PTPRN2: variants seen among roughly 807,000 people sequenced by gnomAD.
The protein encoded by PTPRN2 is receptor-type tyrosine-protein phosphatase N2.
In PTPRN2, 74 loss-of-function variants were observed where a neutral mutation model predicts 118.8. That is an observed-to-expected ratio of 0.62 (90% CI 0.52 to 0.76). PTPRN2 has a LOEUF of 0.76. Among genes scored for constraint, PTPRN2 ranks in the 30% least tolerant of loss-of-function variants. The probability of loss-of-function intolerance (pLI) is 0.00; values close to 1 mark genes in which losing one functional copy is unlikely to be tolerated. For synonymous variants in PTPRN2, 641 were observed against 608.0 expected, an observed-to-expected ratio of 1.05 and a Z score of -0.80; for missense variants, 1,481 against 1,394.4, an observed-to-expected ratio of 1.06 and a Z score of -0.99.
At chr7:158,133,448 G>A (rs950594043) in intron 9 of PTPRN2, among the ~76,000 whole-genome samples, 3 of 152,242 alleles carry the variant, frequency 2.0e-5, no homozygotes, top group Admixed American at 6.5e-5. Context: ...GCCCTTCAGA[G>A]AACGGCTCTC....
chr7:157,774,678 G>A (rs1033777709), intron 12 of PTPRN2, among the ~76,000 whole-genome samples: 2 of 152,134 alleles, frequency 1.3e-5, no homozygotes, highest in African/African-American at 4.8e-5. Context: ...AGCTGGCCTT[G>A]GGCTGGATCC....
intron 12 of PTPRN2, among the ~76,000 whole-genome samples, chr7:157,809,887 C>A (rs76131000): frequency 0.011 from 1,638 of 152,296 alleles, 62 homozygotes; most frequent in Admixed American, 0.059. Context: ...GGGCCCTGCC[C>A]ATGGGATGGA....
chr7:158,080,836 T>G (rs569545889), intron 11 of PTPRN2, among the ~76,000 whole-genome samples: 2 of 152,178 alleles, frequency 1.3e-5, no homozygotes, highest in Non-Finnish European at 2.9e-5. Context: ...CCAGATACTT[T>G]GTGGTGTCTC....
At chr7:158,314,185 G>A (rs1325160768) in intron 3 of PTPRN2, among the ~76,000 whole-genome samples, 2 of 152,156 alleles carry the variant, frequency 1.3e-5, no homozygotes, top group Non-Finnish European at 1.5e-5. Flanking sequence ...CTGAAATTAC[G>A]CTCAGGGGAA....
chr7:158,166,205 G>T (rs1822953075), intron 6 of PTPRN2, among the ~76,000 whole-genome samples: 1 of 151,934 alleles, frequency 6.6e-6, no homozygotes, highest in African/African-American at 2.4e-5. Flanking sequence ...AACAAGAAGT[G>T]AGAAGGGAAC....
At chr7:157,968,914 C>T (rs976259671) in intron 11 of PTPRN2, among the ~76,000 whole-genome samples, 5 of 152,134 alleles carry the variant, frequency 3.3e-5, no homozygotes, top group African/African-American at 7.2e-5. Context: ...TTCCCATGGG[C>T]GATGGAAGTG....
At chr7:158,241,107 T>C (rs1795880145) in intron 3 of PTPRN2, among the ~76,000 whole-genome samples, 1 of 152,242 alleles carries the variant, frequency 6.6e-6, no homozygotes, top group Non-Finnish European at 1.5e-5. Context: ...AGCATCAAAG[T>C]GTTCTTGGTT....
intron 12 of PTPRN2, among the ~76,000 whole-genome samples, chr7:157,712,862 C>T (rs970567296): frequency 3.9e-5 from 6 of 151,946 alleles, no homozygotes; most frequent in Non-Finnish European, 7.4e-5. Flanking sequence ...AGCCGAGGGA[C>T]ACTGGGAGCT....
Position 157,903,655 on chromosome 7 carries a change from T to C in PTPRN2, c.1724-4918A>G, listed in dbSNP as rs928146408. On this transcript the variant is annotated intron_variant, in intron 11 of 22. Transcript: ENST00000389418. The surrounding 1 kb of genome is among the most constrained non-coding windows in gnomAD (Gnocchi z 4.2). Reference sequence around the variant, plus strand: ...TTGGTTTTTTCTTTTTCCTTTTTTTTTTTTATACTAAAAGGTTTTAAGAGA... The same window carrying C: ...TTGGTTTTTTCTTTTTCCTTTTTTTCTTTTATACTAAAAGGTTTTAAGAGA... 1.3e-5 allele frequency among the ~76,000 whole-genome samples: 2 copies of C among 151,870 alleles called. No individual in the cohort carries two copies. The highest frequency in any genetic ancestry group is 4.8e-5 in the African/African-American group (2 of 41,330).
Position 158,253,655 on chromosome 7 carries a change from C to T in PTPRN2, c.278-48382G>A, listed in dbSNP as rs12668840. 4.0e-4 allele frequency among the ~76,000 whole-genome samples: 61 copies of T among 152,232 alleles called. No homozygotes were observed. The East Asian group carries it at 0.011, about 27-fold the overall frequency. ...GTCTTCCATGAGAATCTGCAGAATG[C>T]GGCACACAGGCGAGGCAAGACTGGG... On this transcript the variant is annotated intron_variant, in intron 3 of 22. Transcript: ENST00000389418.
At chr7:158,415,752 C>T (rs1050582221) in intron 2 of PTPRN2, among the ~76,000 whole-genome samples, 14 of 152,150 alleles carry the variant, frequency 9.2e-5, no homozygotes, top group Admixed American at 2.6e-4. Context: ...ATGCCTCTTC[C>T]TCATTCAATT....
intron 3 of PTPRN2, among the ~76,000 whole-genome samples, chr7:158,239,967 C>T (rs117094244): frequency 2.1e-3 from 327 of 152,100 alleles, no homozygotes; most frequent in Non-Finnish European, 3.8e-3. Context: ...TGGGAACTGG[C>T]GAAGTGAGCT....
chr7:158,339,905 C>T (rs1364810057), intron 2 of PTPRN2, among the ~76,000 whole-genome samples: 2 of 109,266 alleles, frequency 1.8e-5, no homozygotes, highest in Non-Finnish European at 3.9e-5. Flanking sequence ...CACCTGCAGA[C>T]GTCACTCACA....
chr7:158,230,084 G>T (rs978524480), intron 3 of PTPRN2, among the ~76,000 whole-genome samples: 2 of 152,072 alleles, frequency 1.3e-5, no homozygotes, highest in Admixed American at 1.3e-4. Flanking sequence ...GAGAGAGTAG[G>T]ATGACATTTG....
rs571620519 is a variant in PTPRN2, at chr7:157,964,477, C to T, written c.1724-65740G>A. Among the ~76,000 whole-genome samples, 1 of 152,046 alleles carries T rather than the reference C, an allele frequency of 6.6e-6. No individual in the cohort carries two copies. The highest frequency in any genetic ancestry group is 2.4e-5 in the African/African-American group (1 of 41,472). On this transcript the variant is annotated intron_variant, in intron 11 of 22. Transcript: ENST00000389418. This position sits in a 1 kb window ranked among gnomAD's most constrained non-coding sequence, Gnocchi z 9.0. ...ACCTGAATGAGTCAAGACAGTTAAA[C>T]TTGAGGGTGATTTGGGAATGAGGGG...
rs1271076664 is a variant in PTPRN2, at chr7:158,574,816, G to T, written c.112+12742C>A. On this transcript the variant is annotated intron_variant, in intron 1 of 22. Coordinates refer to ENST00000389418, the MANE Select transcript of PTPRN2 (RefSeq NM_002847.5). This position sits in a 1 kb window ranked among gnomAD's most constrained non-coding sequence, Gnocchi z 4.6. ...TGGACAGGCCTTGCTGGCACACTGG[G>T]TGGGTGGCTCCGTGGAGTGTCCTGC... Among the ~76,000 whole-genome samples the T allele has an allele frequency of 1.3e-5, 2 of 152,222 alleles. No individual in the cohort carries two copies. Among genetic ancestry groups the T allele is most frequent in the Admixed American group, 1.3e-4 (2 of 15,284 alleles).
chr7:157,910,360 GGCACGTACGCCGGATCAC>G (rs1798026689), intron 11 of PTPRN2, among the ~76,000 whole-genome samples: 1 of 127,170 alleles, frequency 7.9e-6, no homozygotes, highest in East Asian at 2.4e-4. Flanking sequence ...TCCAGGATCA[GGCACGTACGCCGGATCAC>G]GCACGTACGC....
intron 2 of PTPRN2, among the ~76,000 whole-genome samples, chr7:158,367,749 A>C (rs145140792): frequency 4.1e-4 from 63 of 152,340 alleles, no homozygotes; most frequent in African/African-American, 1.3e-3. Flanking sequence ...GAATGAAGGA[A>C]AAGTCGTTTG....
At chr7:158,569,620 G>T (rs1435023500) in intron 1 of PTPRN2, among the ~76,000 whole-genome samples, 1 of 152,106 alleles carries the variant, frequency 6.6e-6, no homozygotes, top group Non-Finnish European at 1.5e-5. Context: ...TGACAGGAGC[G>T]CGGGGCACAA....
Sources: gnomAD v4.1 joint callset for allele counts (sites outside exome capture counted in the v4.1 genomes callset) on GRCh38, gnomAD v4.1.1 for gene constraint, Gnocchi (gnomAD v3.1) non-coding constraint, MANE v1.5 for transcripts, NCBI Gene and HGNC (gene_info 2026-07-23, HGNC 2026-07-21) for gene names.